The following DNAI3 variants were observed in gnomAD, a reference collection of about 807,000 sequenced individuals.
DNAI3 encodes dynein axonemal intermediate chain 3, also known as WD repeat domain 63.
DNAI3 carries 83 observed loss-of-function variants against 115.5 expected under a neutral mutation model. That is an observed-to-expected ratio of 0.72 (90% confidence interval 0.60 to 0.86). The LOEUF is 0.86. DNAI3 is among the 40% of genes least tolerant of loss of function. DNAI3 has a pLI of 0.00. For missense variants in DNAI3, 1,004 were observed against 1,075.8 expected (o/e 0.93, Z 0.93); for synonymous variants, 320 against 347.0 (o/e 0.92, Z 0.86).
At chr1:85,132,145 G>A (rs1656345242) in intron 22 of DNAI3, among the ~76,000 whole-genome samples, 1 of 152,196 alleles carries the variant, frequency 6.6e-6, no homozygotes, top group African/African-American at 2.4e-5. Flanking sequence ...GGCTGATAAA[G>A]GGGGAAATGG....
chr1:85,104,738 G>C, intron 14 of DNAI3, 141 bp downstream of exon 14: 2 of 706,768 alleles, frequency 2.8e-6, no homozygotes, highest in Non-Finnish European at 4.6e-6. Context: ...GAATGTTATG[G>C]ATTGTTGCTA....
chr1:85,072,127 T>C (rs1296561954), intron 2 of DNAI3, 122 bp downstream of exon 2: 4 of 939,588 alleles, frequency 4.3e-6, no homozygotes, highest in Admixed American at 3.0e-5. Flanking sequence ...TAAAGTCAAA[T>C]GTATGAGGAA....
intron 11 of DNAI3, among the ~76,000 whole-genome samples, chr1:85,096,458 G>GTA (rs200214106): frequency 0.061 from 8,900 of 146,458 alleles, 301 homozygotes; most frequent in East Asian, 0.15. Flanking sequence ...ATATATGTGT[G>GTA]TATATATATA....
intron 1 of DNAI3, among the ~76,000 whole-genome samples, chr1:85,069,975 CT>C (rs1654216992): frequency 6.6e-6 from 1 of 152,060 alleles, no homozygotes; most frequent in Admixed American, 6.6e-5. Flanking sequence ...TAAAATCCTG[CT>C]TTTTAGCTGG....
At chr1:85,115,583 A>G (rs2100605171) in intron 16 of DNAI3, among the ~76,000 whole-genome samples, 1 of 152,348 alleles carries the variant, frequency 6.6e-6, no homozygotes, top group East Asian at 1.9e-4. Flanking sequence ...ACTCTGAATA[A>G]ACATAGTTAA....
chr1:85,123,638 C>G (rs1420199062), intron 18 of DNAI3, among the ~76,000 whole-genome samples: 1 of 152,206 alleles, frequency 6.6e-6, no homozygotes. Flanking sequence ...TACAAATCCT[C>G]TTGTTATTCT....
intron 7 of DNAI3, among the ~76,000 whole-genome samples, chr1:85,087,820 A>C (rs1281989794): frequency 6.6e-6 from 1 of 152,180 alleles, no homozygotes; most frequent in Non-Finnish European, 1.5e-5. Context: ...GACCAGGAGA[A>C]TCAGGGCTCA....
At chr1:85,092,427 T>C (rs931691645) in intron 8 of DNAI3, among the ~76,000 whole-genome samples, 1 of 152,146 alleles carries the variant, frequency 6.6e-6, no homozygotes, top group African/African-American at 2.4e-5. Flanking sequence ...TGAGAACCAC[T>C]TTTTCAACTT....
intron 16 of DNAI3, among the ~76,000 whole-genome samples, chr1:85,113,116 T>C (rs1431423347): frequency 1.3e-5 from 2 of 152,228 alleles, no homozygotes; most frequent in South Asian, 2.1e-4. Flanking sequence ...ATATATCTTA[T>C]ATACTAGTTC....
chr1:85,078,213 G>A (rs553717491), intron 3 of DNAI3, among the ~76,000 whole-genome samples: 1 of 152,320 alleles, frequency 6.6e-6, no homozygotes, highest in Non-Finnish European at 1.5e-5. Flanking sequence ...TTTGATCCCA[G>A]TACCACCACT....
intron 11 of DNAI3, among the ~76,000 whole-genome samples, chr1:85,096,496 G>T (rs1380523383): frequency 2.8e-5 from 4 of 142,008 alleles, no homozygotes; most frequent in Admixed American, 1.5e-4. Context: ...TATATATAAA[G>T]ATTATATATA....
intron 19 of DNAI3, among the ~76,000 whole-genome samples, chr1:85,125,940 A>G (rs1395603852): frequency 6.6e-6 from 1 of 152,222 alleles, no homozygotes; most frequent in Non-Finnish European, 1.5e-5. Flanking sequence ...TGATTGCATG[A>G]TGCTTTGATG....
chr1:85,113,163 T>G (rs570027912), intron 16 of DNAI3, among the ~76,000 whole-genome samples: 1 of 152,350 alleles, frequency 6.6e-6, no homozygotes, highest in African/African-American at 2.4e-5. Context: ...TTTAAATATT[T>G]TCTCCTAGTC....
rs776668907 is a variant in DNAI3, at chr1:85,132,984, A to G, written c.2662A>G (p.Met888Val). The change falls in exon 23 of 23, where the codon ATG becomes GTG. Residue 888 changes from methionine (M) to valine (V), a missense_variant. By Grantham distance (21) the Met-to-Val change is conservative. Coordinates refer to ENST00000294664, the MANE Select transcript of DNAI3 (RefSeq NM_145172.5). ...CAAAGTCACAGAGAAGGGGTCATAC[A>G]TGGAGGTGATGTAAAAAAGCTTCCT... is the stretch of plus-strand genomic sequence containing the variant. ...LIKVTEKGSY[M>V]EVM is the part of the protein sequence containing the mutation. 4 of 1,609,692 alleles carry G rather than the reference A, an allele frequency of 2.5e-6. No homozygotes were observed. The highest frequency in any genetic ancestry group is 1.7e-5 in the Admixed American group (1 of 59,152).
chr1:85,065,567 TTG>T (rs548165897), intron 1 of DNAI3, among the ~76,000 whole-genome samples: 1 of 151,546 alleles, frequency 6.6e-6, no homozygotes, highest in Non-Finnish European at 1.5e-5. Context: ...GCAGAAGTAT[TTG>T]TGTGTGTGTG....
intron 16 of DNAI3, among the ~76,000 whole-genome samples, chr1:85,110,816 G>A (rs1195440214): frequency 6.6e-6 from 1 of 152,002 alleles, no homozygotes; most frequent in African/African-American, 2.4e-5. Flanking sequence ...AAGTTATGAA[G>A]TATCAAGAAA....
Position 85,124,159 on chromosome 1 carries a change from A to G in DNAI3, c.2020A>G (p.Thr674Ala), listed in dbSNP as rs17121745. ...PVSHHTIHDG[T>A]VHTIQRSPFY... ...GAGCCACCACACCATTCACGACGGA[A>G]CTGTCCACACTATTCAGAGATCACC... The change falls in exon 19 of 23, where the codon ACT becomes GCT. Residue 674 changes from threonine (T) to alanine (A), a missense_variant. Thr to Ala is a moderately conservative substitution (Grantham distance 58, BLOSUM62 0). Coordinates refer to ENST00000294664, the MANE Select transcript of DNAI3 (RefSeq NM_145172.5). 101,970 of 1,614,152 alleles carry G rather than the reference A, an allele frequency of 0.063. 3,499 individuals carry two copies. The highest frequency in any genetic ancestry group is 0.13 in the East Asian group (5,664 of 44,870).
chr1:85,105,165 G>A (rs995068399), intron 14 of DNAI3, among the ~76,000 whole-genome samples: 1 of 152,112 alleles, frequency 6.6e-6, no homozygotes, highest in African/African-American at 2.4e-5. Flanking sequence ...TTTGACCCCA[G>A]TGGAAACAAT....
At chr1:85,088,220 A>C (rs1181592356) in intron 7 of DNAI3, among the ~76,000 whole-genome samples, 1 of 152,160 alleles carries the variant, frequency 6.6e-6, no homozygotes, top group Non-Finnish European at 1.5e-5. Flanking sequence ...ACCAAGAATG[A>C]GTCAGCCAGG....
Sources: gnomAD v4.1 joint callset for allele counts (sites outside exome capture counted in the v4.1 genomes callset) on GRCh38, gnomAD v4.1.1 for gene constraint, MANE v1.5 for transcripts, NCBI Gene and HGNC (gene_info 2026-07-23, HGNC 2026-07-21) for gene names.